CREBBP: variants seen among roughly 807,000 people sequenced by gnomAD.
The protein encoded by CREBBP is CREB-binding protein.
CREBBP carries 19 observed loss-of-function variants against 265.0 expected under a neutral mutation model. The observed-to-expected ratio is 0.07, with a 90% CI of 0.05 to 0.11. CREBBP has a LOEUF of 0.11. Ranked by LOEUF, CREBBP falls within the 10% of genes least tolerant of loss-of-function variation. The pLI, the probability that CREBBP is intolerant of heterozygous loss-of-function variation, is 1.00. For synonymous variants in CREBBP, 1,457 were observed against 1,223.7 expected (o/e 1.19, Z -3.98); for missense variants, 2,525 against 3,219.0 (o/e 0.78, Z 5.22).
intron 8 of CREBBP, among the ~76,000 whole-genome samples, chr16:3,779,195 ACAGGGTCTTGCTCTATCGCC>A (rs1475350809): frequency 6.6e-6 from 1 of 151,244 alleles, no homozygotes; most frequent in African/African-American, 2.4e-5. Flanking sequence ...AAAAAAAGAC[ACAGGGTCTTGCTCTATCGCC>A]CAGGCTGGAG....
rs2054763359 is a variant in CREBBP at position 3,849,441 on chromosome 16, GTGTGTGTGT to G, written c.798+847_798+855del. Among the ~76,000 whole-genome samples, 104 of 17,960 alleles carry G rather than the reference GTGTGTGTGT, an allele frequency of 5.8e-3. 2 individuals carry two copies. The highest frequency in any genetic ancestry group is 0.037 in the East Asian group (9 of 244). 11.8% of individuals were successfully genotyped at this position (17,960 alleles called of 152,430 possible). On this transcript the variant is annotated intron_variant, in intron 2 of 30. Transcript: ENST00000262367. The stretch of plus-strand genomic sequence containing the variant: ...TGTGTGTGTGTGTGTGTGTGTGTGT[GTGTGTGTGT>G]GTGTGTGTGTGTGTGTGTGTGTGTG...
intron 1 of CREBBP, among the ~76,000 whole-genome samples, chr16:3,875,664 TAGAG>T (rs2055385566): frequency 6.6e-6 from 1 of 152,334 alleles, no homozygotes; most frequent in Non-Finnish European, 1.5e-5. Context: ...TGTTTACAGA[TAGAG>T]ACTTAGAAAA....
intron 28 of CREBBP, 106 bp downstream of exon 28, chr16:3,735,930 G>C (rs1341669834): frequency 5.8e-5 from 92 of 1,586,814 alleles, no homozygotes; most frequent in Non-Finnish European, 7.2e-5. Flanking sequence ...TGTGAACGGA[G>C]ACACCACCAC....
At chr16:3,859,126 G>C (rs1048448996) in intron 1 of CREBBP, among the ~76,000 whole-genome samples, 6 of 151,270 alleles carry the variant, frequency 4.0e-5, no homozygotes, top group African/African-American at 1.2e-4. Context: ...CTATGTATTT[G>C]GTCTTCCACC....
intron 1 of CREBBP, among the ~76,000 whole-genome samples, chr16:3,866,969 A>C (rs2055190040): frequency 6.6e-6 from 1 of 152,158 alleles, no homozygotes; most frequent in African/African-American, 2.4e-5. Flanking sequence ...AGGATTTCTG[A>C]GTCATACTCA....
At chr16:3,750,287 T>C (rs954287010) in intron 20 of CREBBP, among the ~76,000 whole-genome samples, 1 of 152,234 alleles carries the variant, frequency 6.6e-6, no homozygotes, top group African/African-American at 2.4e-5. Context: ...ATTGAAAATG[T>C]AGAATTTCAG....
intron 2 of CREBBP, among the ~76,000 whole-genome samples, chr16:3,829,210 AGTTAT>A (rs745958389): frequency 1.3e-5 from 2 of 152,188 alleles, no homozygotes; most frequent in South Asian, 4.1e-4. Flanking sequence ...TGGTCCTTGA[AGTTAT>A]GATTTGGACC....
chr16:3,848,983 C>G (rs2380333), intron 2 of CREBBP, among the ~76,000 whole-genome samples: 148,221 of 152,310 alleles, frequency 0.97, 72,219 homozygotes, highest in Middle Eastern at 1. Context: ...CAGGGTTTTG[C>G]ATCCGTCACC....
chr16:3,871,129 AAAG>A lies in CREBBP; in HGVS notation c.85+8700_85+8702del, dbSNP rs549978727. Among the ~76,000 whole-genome samples the A allele has an allele frequency of 4.4e-3, 666 of 152,062 alleles. 5 individuals carry two copies. Among genetic ancestry groups the A allele is most frequent in the African/African-American group, 0.015 (609 of 41,460 alleles). On this transcript the variant is annotated intron_variant, in intron 1 of 30. Transcript: ENST00000262367. ...AAAGAAAGAAGAGAGAAGAGAAAGA[AAAG>A]AAACAAATGGAATACTGCAGGGTAA...
In CREBBP at chr16:3,758,054, A is replaced by G; in HGVS notation, c.3370-6T>C. 6.3e-7 allele frequency: 1 copy of G among 1,599,756 alleles called. No individual in the cohort carries two copies. Among genetic ancestry groups the G allele is most frequent in the Non-Finnish European group, 8.5e-7 (1 of 1,170,240 alleles). On this transcript the variant is annotated splice_region_variant and splice_polypyrimidine_tract_variant and intron_variant, in intron 17 of 30. Coordinates refer to ENST00000262367, the MANE Select transcript of CREBBP (RefSeq NM_004380.3). Reference sequence around the variant, plus strand: ...TTTACGATGTCAAAATAGTCCTTAAAAAAAAAAAAATGGTCTCAGTATAGG... The same window carrying G: ...TTTACGATGTCAAAATAGTCCTTAAGAAAAAAAAAATGGTCTCAGTATAGG...
intron 16 of CREBBP, among the ~76,000 whole-genome samples, chr16:3,764,178 G>A (rs1463151597): frequency 1.3e-5 from 2 of 151,956 alleles, no homozygotes; most frequent in East Asian, 1.9e-4. Flanking sequence ...TTGCTATGTT[G>A]CCCAGGCTGG....
chr16:3,856,882 G>T (rs2054974955), intron 1 of CREBBP, among the ~76,000 whole-genome samples: 1 of 152,162 alleles, frequency 6.6e-6, no homozygotes, highest in Non-Finnish European at 1.5e-5. Context: ...CTAGGAGAGG[G>T]AGGCCAGGCC....
chr16:3,768,174 C>CAA (rs1232530303), intron 15 of CREBBP, among the ~76,000 whole-genome samples: 1 of 53,332 alleles, frequency 1.9e-5, no homozygotes, highest in Non-Finnish European at 3.1e-5. Context: ...TTTTTTGAGA[C>CAA]AGAGTCTAAC....
In CREBBP at chr16:3,726,604, A is replaced by G. The variant is rs2051753554; in HGVS notation, c.*1114T>C. The G allele has an allele frequency of 4.3e-6, 1 of 233,590 alleles. No individual in the cohort carries two copies. Among genetic ancestry groups the G allele is most frequent in the African/African-American group, 2.2e-5 (1 of 45,364 alleles). 14.5% of individuals were successfully genotyped at this position (233,590 alleles called of 1,614,324 possible). A position where few individuals can be genotyped will look rare whatever the true frequency, so the allele number is the denominator to read the frequency against. ...ACTCAAAAAATATATATAAATAAATAAAAACCTTAAACATTCTTACAGGGA... is the reference window on the plus strand; with the variant it reads ...ACTCAAAAAATATATATAAATAAATGAAAACCTTAAACATTCTTACAGGGA... On this transcript the variant is annotated 3_prime_UTR_variant, in exon 31 of 31. Transcript: ENST00000262367.
intron 11 of CREBBP, among the ~76,000 whole-genome samples, chr16:3,776,217 C>G (rs941940878): frequency 2.6e-5 from 4 of 152,214 alleles, no homozygotes; most frequent in African/African-American, 4.8e-5. Context: ...TGTGCCCAGC[C>G]TGACTCCTTG....
In CREBBP at chr16:3,851,971, G is replaced by A. The variant is rs1479950641; in HGVS notation, c.86-962C>T. ...GAGAATGGCGTGAACCTGGGAGGCG[G>A]AGCTTGCAGTGAGCTGAGATCGTGC... On this transcript the variant is annotated intron_variant, in intron 1 of 30. Transcript: ENST00000262367. 3.6e-5 allele frequency among the ~76,000 whole-genome samples: 5 copies of A among 137,976 alleles called. No homozygotes were observed. The Admixed American group carries it at 3.7e-4, about 10-fold the overall frequency. 90.5% of individuals were successfully genotyped at this position (137,976 alleles called of 152,430 possible). A position where few individuals can be genotyped will look rare whatever the true frequency, so the allele number is the denominator to read the frequency against.
chr16:3,783,448 C>G (rs530072034), intron 5 of CREBBP, among the ~76,000 whole-genome samples: 2 of 152,346 alleles, frequency 1.3e-5, no homozygotes, highest in East Asian at 3.9e-4. Flanking sequence ...CTATAATGTG[C>G]TCTTCCAAAT....
At chr16:3,852,153 ATTTGTTTT>A (rs1300752987) in intron 1 of CREBBP, among the ~76,000 whole-genome samples, 7 of 105,834 alleles carry the variant, frequency 6.6e-5, no homozygotes, top group African/African-American at 2.6e-4. Flanking sequence ...CCAATCTTAA[ATTTGTTTT>A]TTTTTTTTTT....
In CREBBP at chr16:3,773,742, G is replaced by A. The variant is rs2141214094; in HGVS notation, c.2463+9C>T. The A allele has an allele frequency of 6.2e-7, 1 of 1,613,582 alleles. No homozygotes were observed. Among genetic ancestry groups the A allele is most frequent in the Non-Finnish European group, 8.5e-7 (1 of 1,179,712 alleles). On this transcript the variant is annotated intron_variant, in intron 13 of 30. Transcript: ENST00000262367. The stretch of plus-strand genomic sequence containing the variant: ...CCTAGGGAGCCACGGTCCCAGTGGG[G>A]CACAGTACCTGTGACACGCCTGTTT...
Sources: gnomAD v4.1 joint callset for allele counts (sites outside exome capture counted in the v4.1 genomes callset) on GRCh38, gnomAD v4.1.1 for gene constraint, MANE v1.5 for transcripts, NCBI Gene and HGNC (gene_info 2026-07-23, HGNC 2026-07-21) for gene names.